CCDC192: variants seen among roughly 807,000 people sequenced by gnomAD.
CCDC192 encodes coiled-coil domain containing 192.
intron 6 of CCDC192, among the ~76,000 whole-genome samples, chr5:127,929,492 A>G (rs1305564098): frequency 6.6e-6 from 1 of 152,240 alleles, no homozygotes; most frequent in Non-Finnish European, 1.5e-5. Context: ...ATTTGGTACA[A>G]TAAAAGATTG....
chr5:127,841,778 C>T (rs1020698071), intron 5 of CCDC192, among the ~76,000 whole-genome samples: 7 of 152,136 alleles, frequency 4.6e-5, no homozygotes, highest in African/African-American at 1.4e-4. Flanking sequence ...CTTGGGTCAC[C>T]AGCCCAACGA....
chr5:127,743,239 A>G (rs1441688278), intron 2 of CCDC192, among the ~76,000 whole-genome samples: 1 of 151,524 alleles, frequency 6.6e-6, no homozygotes, highest in Non-Finnish European at 1.5e-5. Context: ...TTCTTTCTAG[A>G]CTTGTCAGTT....
chr5:127,778,659 A>C (rs1204700740), intron 3 of CCDC192, among the ~76,000 whole-genome samples: 1 of 152,192 alleles, frequency 6.6e-6, no homozygotes, highest in Non-Finnish European at 1.5e-5. Context: ...GGGCTTGAGT[A>C]ATATTAGTGT....
chr5:127,804,513 G>T (rs765068064), intron 5 of CCDC192, among the ~76,000 whole-genome samples: 1 of 152,142 alleles, frequency 6.6e-6, no homozygotes, highest in African/African-American at 2.4e-5. Context: ...GCTTGAACCA[G>T]AACTGTCCTA....
chr5:127,889,559 G>A (rs934463690), intron 6 of CCDC192, among the ~76,000 whole-genome samples: 2 of 151,996 alleles, frequency 1.3e-5, no homozygotes, highest in African/African-American at 4.8e-5. Context: ...TCGCCACCAC[G>A]CCCTGCTAAT....
At chr5:127,896,137 C>T (rs887516780) in intron 6 of CCDC192, among the ~76,000 whole-genome samples, 1 of 152,106 alleles carries the variant, frequency 6.6e-6, no homozygotes, top group African/African-American at 2.4e-5. Flanking sequence ...ACTTACCCAT[C>T]AGACTAATAC....
At chr5:127,832,822 T>C (rs1430501392) in intron 5 of CCDC192, among the ~76,000 whole-genome samples, 1 of 152,162 alleles carries the variant, frequency 6.6e-6, no homozygotes, top group Non-Finnish European at 1.5e-5. Flanking sequence ...CCCTGGAGCA[T>C]GGGCATCTTT....
intron 5 of CCDC192, among the ~76,000 whole-genome samples, chr5:127,867,892 G>T (rs73785703): frequency 1.6e-4 from 25 of 152,134 alleles, no homozygotes; most frequent in African/African-American, 5.8e-4. Flanking sequence ...ATTACCCAAA[G>T]AAAAGAACCT....
At chr5:127,750,936 C>A (rs1380607340) in intron 2 of CCDC192, among the ~76,000 whole-genome samples, 1 of 149,434 alleles carries the variant, frequency 6.7e-6, no homozygotes, top group Non-Finnish European at 1.5e-5. Context: ...AAGATTGCAA[C>A]CCCTGCCTTT....
intron 2 of CCDC192, among the ~76,000 whole-genome samples, chr5:127,751,211 G>A (rs945700966): frequency 6.6e-5 from 10 of 151,878 alleles, no homozygotes; most frequent in Non-Finnish European, 1.5e-4. Context: ...TCCTAGTCTC[G>A]ATGGTCTTTA....
chr5:127,916,099 C>G (rs1350545564), intron 6 of CCDC192, among the ~76,000 whole-genome samples: 1 of 152,182 alleles, frequency 6.6e-6, no homozygotes, highest in South Asian at 2.1e-4. Flanking sequence ...TATTCTAAAT[C>G]ATTTGTTGTT....
chr5:127,939,748 G>A (rs968149766), intron 6 of CCDC192, among the ~76,000 whole-genome samples: 1 of 151,388 alleles, frequency 6.6e-6, no homozygotes, highest in African/African-American at 2.4e-5. Flanking sequence ...TTCAGCAGGT[G>A]TATAGGTACC....
chr5:127,868,454 C>T (rs1751705635), intron 5 of CCDC192, among the ~76,000 whole-genome samples: 1 of 152,186 alleles, frequency 6.6e-6, no homozygotes, highest in Admixed American at 6.5e-5. Flanking sequence ...AAGAGGGCAT[C>T]CAATTCTGTG....
intron 6 of CCDC192, among the ~76,000 whole-genome samples, chr5:127,923,834 C>T (rs1263142661): frequency 6.6e-6 from 1 of 152,110 alleles, no homozygotes; most frequent in Non-Finnish European, 1.5e-5. Context: ...TGAGACAAGA[C>T]AGGACTTTCT....
intron 6 of CCDC192, among the ~76,000 whole-genome samples, chr5:127,877,095 C>T (rs556633009): frequency 3.9e-5 from 6 of 152,296 alleles, no homozygotes; most frequent in East Asian, 1.9e-4. Flanking sequence ...CCCCAGCTCG[C>T]TTACGAGAAG....
intron 3 of CCDC192, among the ~76,000 whole-genome samples, chr5:127,766,101 A>G (rs1440783933): frequency 6.6e-6 from 1 of 152,150 alleles, no homozygotes; most frequent in Admixed American, 6.5e-5. Flanking sequence ...GGATGATTTT[A>G]AATTTATAGC....
intron 6 of CCDC192, among the ~76,000 whole-genome samples, chr5:127,939,316 C>T (rs1316402756): frequency 6.6e-6 from 1 of 151,878 alleles, no homozygotes; most frequent in Non-Finnish European, 1.5e-5. Context: ...TGAGGTTTCA[C>T]CATTTGGCCA....
intron 6 of CCDC192, among the ~76,000 whole-genome samples, chr5:127,904,300 A>G (rs1242870687): frequency 6.6e-6 from 1 of 152,202 alleles, no homozygotes; most frequent in Non-Finnish European, 1.5e-5. Context: ...TTGGACTTCC[A>G]ACCTCCAGAG....
At chr5:127,939,563 T>G (rs1225156972) in intron 6 of CCDC192, among the ~76,000 whole-genome samples, 1 of 152,210 alleles carries the variant, frequency 6.6e-6, no homozygotes, top group Non-Finnish European at 1.5e-5. Flanking sequence ...CTCTTATCAC[T>G]TTTATGAAGC....
Sources: allele counts gnomAD v4.1 joint callset (sites outside exome capture counted in the v4.1 genomes callset), GRCh38; gene constraint gnomAD v4.1.1; transcripts MANE v1.5; gene names NCBI Gene and HGNC (gene_info 2026-07-23, HGNC 2026-07-21).